The following RBFOX3 variants were observed in gnomAD, a reference collection of about 807,000 sequenced individuals.
RBFOX3 encodes the protein RNA binding fox-1 homolog 3.
Under a neutral mutation model 48.7 loss-of-function variants are expected in RBFOX3, and 17 were observed. The observed-to-expected ratio is 0.35, with a 90% CI of 0.24 to 0.52. The LOEUF (loss-of-function observed/expected upper bound fraction) is 0.52, where lower values mean the gene tolerates loss of function less well. RBFOX3 is among the 20% of genes least tolerant of loss of function. RBFOX3 has a pLI of 0.94. For synonymous variants in RBFOX3, 212 were observed against 209.5 expected (o/e 1.01, Z -0.10); for missense variants, 382 against 497.5 (o/e 0.77, Z 2.21).
intron 2 of RBFOX3, among the ~76,000 whole-genome samples, chr17:79,309,118 A>C (rs1397354547): frequency 1.3e-5 from 2 of 151,392 alleles, no homozygotes; most frequent in African/African-American, 2.4e-5. Flanking sequence ...AAAAAAAAAA[A>C]AACTAAATGT....
At chr17:79,292,092 T>C (rs2144911468) in intron 3 of RBFOX3, among the ~76,000 whole-genome samples, 1 of 152,044 alleles carries the variant, frequency 6.6e-6, no homozygotes, top group Middle Eastern at 3.4e-3. Flanking sequence ...TGGTGATCAG[T>C]ATTTTGGGGT....
chr17:79,164,805 G>A (rs1467555824), intron 4 of RBFOX3, among the ~76,000 whole-genome samples: 1 of 152,174 alleles, frequency 6.6e-6, no homozygotes, highest in East Asian at 1.9e-4. Flanking sequence ...CAGCGGGCTG[G>A]GAGGGCCAGG....
chr17:79,548,028 C>A (rs553863819), intron 1 of RBFOX3, among the ~76,000 whole-genome samples: 1 of 152,234 alleles, frequency 6.6e-6, no homozygotes, highest in African/African-American at 2.4e-5. Flanking sequence ...CTGAACATTT[C>A]TTTTCCTGTC....
At chr17:79,539,916 C>T (rs782795891) in intron 1 of RBFOX3, among the ~76,000 whole-genome samples, 2 of 152,140 alleles carry the variant, frequency 1.3e-5, no homozygotes, top group Non-Finnish European at 2.9e-5. Context: ...GTAGGTCCCA[C>T]GCGATGTGTA....
chr17:79,258,916 G>A (rs796705751), intron 3 of RBFOX3, among the ~76,000 whole-genome samples: 34 of 152,306 alleles, frequency 2.2e-4, no homozygotes, highest in African/African-American at 6.3e-4. Flanking sequence ...GTCGAAAGGC[G>A]CCGTCCCAGC....
intron 2 of RBFOX3, among the ~76,000 whole-genome samples, chr17:79,420,628 A>T (rs1373324546): frequency 6.6e-6 from 1 of 152,124 alleles, no homozygotes; most frequent in Non-Finnish European, 1.5e-5. Context: ...GGCCTAGGGG[A>T]GGGAAGTGCA....
At chr17:79,353,167 A>G (rs2084290827) in intron 2 of RBFOX3, among the ~76,000 whole-genome samples, 1 of 152,210 alleles carries the variant, frequency 6.6e-6, no homozygotes, top group Non-Finnish European at 1.5e-5. Flanking sequence ...CGCCCTGAAC[A>G]GCACATCAGG....
At chr17:79,206,672 C>T (rs1202949189) in intron 4 of RBFOX3, among the ~76,000 whole-genome samples, 1 of 152,164 alleles carries the variant, frequency 6.6e-6, no homozygotes, top group East Asian at 1.9e-4. Context: ...CTCTCCAGGC[C>T]ACCACTGCTC....
At chr17:79,577,397 C>T (rs1422513215) in intron 1 of RBFOX3, among the ~76,000 whole-genome samples, 1 of 152,142 alleles carries the variant, frequency 6.6e-6, no homozygotes, top group African/African-American at 2.4e-5. Context: ...ATTCTTCACA[C>T]GCACGGGCAG....
chr17:79,490,318 A>G (rs1708866), intron 1 of RBFOX3, among the ~76,000 whole-genome samples: 59,627 of 152,072 alleles, frequency 0.39, 12,371 homozygotes, highest in East Asian at 0.66. Context: ...ATGTGTCCTC[A>G]GTGCTGTGTT....
Position 79,393,422 on chromosome 17 carries a change from G to A in RBFOX3, c.-174-85598C>T, listed in dbSNP as rs117101362. Among the ~76,000 whole-genome samples the A allele has an allele frequency of 3.9e-3, 591 of 152,376 alleles. 4 individuals carry two copies. The highest frequency in any genetic ancestry group is 5.6e-3 in the Non-Finnish European group (383 of 68,030). On this transcript the variant is annotated intron_variant, in intron 2 of 14. Coordinates refer to ENST00000693108, the MANE Select transcript of RBFOX3 (RefSeq NM_001350451.2). ...GGGGAGACCCGGCCAGTGAGCAGCC[G>A]CAGGGAAACGCTCTCCGTTCGTGTG...
chr17:79,334,041 C>G (rs1240508166), intron 2 of RBFOX3, among the ~76,000 whole-genome samples: 1 of 152,162 alleles, frequency 6.6e-6, no homozygotes, highest in Non-Finnish European at 1.5e-5. Context: ...CCAAATCCAG[C>G]AATCCATCTC....
chr17:79,208,210 C>T (rs1453489614), intron 4 of RBFOX3, among the ~76,000 whole-genome samples: 1 of 152,210 alleles, frequency 6.6e-6, no homozygotes. Flanking sequence ...CTGTCAGCCC[C>T]GAGCTGTGGC....
the RBFOX3 span, among the ~76,000 whole-genome samples, chr17:79,644,775 A>C: frequency 6.6e-6 from 1 of 152,222 alleles, no homozygotes; most frequent in Non-Finnish European, 1.5e-5. Flanking sequence ...AAATGAAGAC[A>C]TATATCATGA....
the RBFOX3 span, among the ~76,000 whole-genome samples, chr17:79,661,588 G>A: frequency 6.6e-6 from 1 of 152,214 alleles, no homozygotes; most frequent in Admixed American, 6.5e-5. Context: ...CAGTGCATCT[G>A]GGCTTGCATT....
At position 79,457,929 on chromosome 17, in the gene RBFOX3, G is replaced by A. The variant is rs75077703; in HGVS notation, c.-175+24525C>T. Among the ~76,000 whole-genome samples the A allele has an allele frequency of 3.2e-3, 493 of 152,364 alleles. 2 individuals are homozygous for A. The highest frequency in any genetic ancestry group is 0.011 in the African/African-American group (471 of 41,586). On this transcript the variant is annotated intron_variant, in intron 2 of 14. Coordinates refer to ENST00000693108, the MANE Select transcript of RBFOX3 (RefSeq NM_001350451.2). ...GTCAATGGATTCCTCCAGAAAACAC[G>A]GTGGGTGGGGAGCCAGAGGTCCTTG...
chr17:79,231,785 G>T (rs2061062357), intron 4 of RBFOX3, among the ~76,000 whole-genome samples: 1 of 152,156 alleles, frequency 6.6e-6, no homozygotes. Context: ...TGAAATTAAA[G>T]AAATTCTAAA....
At chr17:79,244,223 C>T (rs1009725016) in intron 3 of RBFOX3, among the ~76,000 whole-genome samples, 6 of 152,130 alleles carry the variant, frequency 3.9e-5, no homozygotes, top group Non-Finnish European at 8.8e-5. Context: ...CAGAGAGACA[C>T]GCATTGGGTG....
chr17:79,113,025 G>A (rs898957244), intron 5 of RBFOX3, among the ~76,000 whole-genome samples: 4 of 151,860 alleles, frequency 2.6e-5, no homozygotes, highest in South Asian at 2.1e-4. Flanking sequence ...TCTGACCTAG[G>A]CAGGTCTGGA....
Sources: gnomAD v4.1 joint callset for allele counts (sites outside exome capture counted in the v4.1 genomes callset) on GRCh38, gnomAD v4.1.1 for gene constraint, MANE v1.5 for transcripts, NCBI Gene and HGNC (gene_info 2026-07-23, HGNC 2026-07-21) for gene names.